The following AGPAT4 variants were observed in gnomAD, a reference collection of about 807,000 sequenced individuals.
The protein encoded by AGPAT4 is 1-acyl-sn-glycerol-3-phosphate acyltransferase delta.
A neutral mutation model predicts 48.0 loss-of-function variants in AGPAT4; 15 were observed. The ratio of observed to expected loss-of-function variants is 0.31; its 90% CI spans 0.21 to 0.48. The LOEUF is 0.48. AGPAT4 is among the 20% of genes least tolerant of loss of function. The pLI, the probability that AGPAT4 is intolerant of heterozygous loss-of-function variation, is 0.99. For synonymous variants in AGPAT4, 178 were observed against 198.7 expected (o/e 0.90, Z 0.88); for missense variants, 314 against 482.5 (o/e 0.65, Z 3.27).
rs974723841 is a variant in AGPAT4, at chr6:161,220,886, C to T, written c.178+11150G>A. On this transcript the variant is annotated intron_variant, in intron 2 of 8. Coordinates refer to ENST00000320285, the MANE Select transcript of AGPAT4 (RefSeq NM_020133.3). The surrounding 1 kb of genome is among the most constrained non-coding windows in gnomAD (Gnocchi z 6.0). Reference sequence around the variant, plus strand: ...GCAACTTCTGCCTCCCGGGTTCAAGCAATTCTCCTGCCTCAGTCTCCCGAG... The same window carrying T: ...GCAACTTCTGCCTCCCGGGTTCAAGTAATTCTCCTGCCTCAGTCTCCCGAG... Among the ~76,000 whole-genome samples the T allele has an allele frequency of 6.6e-6, 1 of 152,142 alleles. No individual in the cohort carries two copies. Among genetic ancestry groups the T allele is most frequent in the African/African-American group, 2.4e-5 (1 of 41,416 alleles).
At chr6:161,173,391 C>T (rs540955769) in intron 2 of AGPAT4, among the ~76,000 whole-genome samples, 4 of 152,262 alleles carry the variant, frequency 2.6e-5, no homozygotes, top group African/African-American at 9.6e-5. Flanking sequence ...TCTCTGATGG[C>T]CAGTGATGAT....
rs1050015006 is a variant in AGPAT4 at position 161,246,608 on chromosome 6, C to A, written c.-89-14306G>T. On this transcript the variant is annotated intron_variant, in intron 1 of 8. Coordinates refer to ENST00000320285, the MANE Select transcript of AGPAT4 (RefSeq NM_020133.3). The surrounding 1 kb of genome is among the most constrained non-coding windows in gnomAD (Gnocchi z 5.5). ...ATTTTTAGTCTAGATGGGGTTTCTC[C>A]ATGTTGGTCAGGCTGGTCTCGAACT... 1.3e-5 allele frequency among the ~76,000 whole-genome samples: 2 copies of A among 152,136 alleles called. No homozygotes were observed. Among genetic ancestry groups the A allele is most frequent in the African/African-American group, 4.8e-5 (2 of 41,434 alleles).
In AGPAT4 at chr6:161,197,584, T is replaced by G. The variant is rs111540593; in HGVS notation, c.179-31167A>C. Among the ~76,000 whole-genome samples, 2,228 of 152,270 alleles carry G rather than the reference T, an allele frequency of 0.015. 48 individuals are homozygous for G. The highest frequency in any genetic ancestry group is 0.051 in the African/African-American group (2,112 of 41,542). ...GTACGCATTACTCCTGGGGCTCATGTTTTCCTCTCCTGAACCACTCTGCCT... is the reference window on the plus strand; with the variant it reads ...GTACGCATTACTCCTGGGGCTCATGGTTTCCTCTCCTGAACCACTCTGCCT... On this transcript the variant is annotated intron_variant, in intron 2 of 8. Coordinates refer to ENST00000320285, the MANE Select transcript of AGPAT4 (RefSeq NM_020133.3). This position sits in a 1 kb window ranked among gnomAD's most constrained non-coding sequence, Gnocchi z 5.7.
rs1781871911 is a variant in AGPAT4, at chr6:161,222,954, C to G, written c.178+9082G>C. On this transcript the variant is annotated intron_variant, in intron 2 of 8. Coordinates refer to ENST00000320285, the MANE Select transcript of AGPAT4 (RefSeq NM_020133.3). This position sits in a 1 kb window ranked among gnomAD's most constrained non-coding sequence, Gnocchi z 5.9. Reference sequence around the variant, plus strand: ...GCATATGCTCCTGCCACCTACTGAACCACCTCTCCTCTTGCCAACATCTCA... The same window carrying G: ...GCATATGCTCCTGCCACCTACTGAAGCACCTCTCCTCTTGCCAACATCTCA... 6.6e-6 allele frequency among the ~76,000 whole-genome samples: 1 copy of G among 152,222 alleles called. No individual in the cohort carries two copies. The highest frequency in any genetic ancestry group is 6.5e-5 in the Admixed American group (1 of 15,282).
At chr6:161,191,205 A>G (rs1224542936) in intron 2 of AGPAT4, among the ~76,000 whole-genome samples, 1 of 152,214 alleles carries the variant, frequency 6.6e-6, no homozygotes, top group East Asian at 1.9e-4. Context: ...GAGAACACCA[A>G]AATGTAGAGG....
rs187396201 is a variant in AGPAT4, at chr6:161,195,613, A to G, written c.179-29196T>C. On this transcript the variant is annotated intron_variant, in intron 2 of 8. Transcript: ENST00000320285. This position sits in a 1 kb window ranked among gnomAD's most constrained non-coding sequence, Gnocchi z 5.0. ...AAATGTTGCAGAACTTCATCATGTGATCAAAGCTGCAGAAGGAGAAAGAGA... is the reference window on the plus strand; with the variant it reads ...AAATGTTGCAGAACTTCATCATGTGGTCAAAGCTGCAGAAGGAGAAAGAGA... Among the ~76,000 whole-genome samples, 4 of 152,344 alleles carry G rather than the reference A, an allele frequency of 2.6e-5. No individual in the cohort carries two copies. The highest frequency in any genetic ancestry group is 3.4e-3 in the Middle Eastern group (1 of 294).
In AGPAT4 at chr6:161,134,871, C is replaced by T. The variant is rs3822853; in HGVS notation, c.*1669G>A. 0.098 allele frequency: 14,885 copies of T among 152,310 alleles called. 1,124 individuals are homozygous for T. The highest frequency in any genetic ancestry group is 0.25 in the Admixed American group (3,825 of 15,290). The allele number at this position is 152,310 out of a possible 1,614,324, so 9.4% of individuals were successfully genotyped here. On this transcript the variant is annotated 3_prime_UTR_variant, in exon 9 of 9. Transcript: ENST00000320285. ...GGGTGGGCAGATGTGCTGGGCGCTC[C>T]CATCAAGCCTGCCTGCAGGGCCGCC...
rs1284001532 is a variant in AGPAT4 at position 161,218,803 on chromosome 6, A to G, written c.178+13233T>C. The stretch of plus-strand genomic sequence containing the variant: ...AAAACACTGTTATCTACCAAACAGT[A>G]TGATAAAACACTGTATCTACCAAAC... On this transcript the variant is annotated intron_variant, in intron 2 of 8. Transcript: ENST00000320285. The surrounding 1 kb of genome is among the most constrained non-coding windows in gnomAD (Gnocchi z 4.7). 6.6e-6 allele frequency among the ~76,000 whole-genome samples: 1 copy of G among 151,686 alleles called. No individual in the cohort carries two copies. Among genetic ancestry groups the G allele is most frequent in the East Asian group, 1.9e-4 (1 of 5,196 alleles).
At chr6:161,162,830 C>A (rs926201978) in intron 3 of AGPAT4, among the ~76,000 whole-genome samples, 3 of 152,252 alleles carry the variant, frequency 2.0e-5, no homozygotes, top group Non-Finnish European at 4.4e-5. Flanking sequence ...TCTTATGCAA[C>A]CAGCCGGGAC....
chr6:161,149,073 G>C lies in AGPAT4; in HGVS notation c.767+114C>G, dbSNP rs912658134. 2 of 1,367,680 alleles carry C rather than the reference G, an allele frequency of 1.5e-6. No individual in the cohort carries two copies. The highest frequency in any genetic ancestry group is 5.6e-5 in the Admixed American group (2 of 35,494). 84.7% of individuals were successfully genotyped at this position (1,367,680 alleles called of 1,614,324 possible). On this transcript the variant is annotated intron_variant, in intron 6 of 8. Coordinates refer to ENST00000320285, the MANE Select transcript of AGPAT4 (RefSeq NM_020133.3). The surrounding 1 kb of genome is among the most constrained non-coding windows in gnomAD (Gnocchi z 6.5). Reference sequence around the variant, plus strand: ...TGTCAAATTCAATGCAAAACAGACTGCAAAGAAGTCAGTGTGACCCAGGGA... The same window carrying C: ...TGTCAAATTCAATGCAAAACAGACTCCAAAGAAGTCAGTGTGACCCAGGGA...
rs114398344 is a variant in AGPAT4 at position 161,218,201 on chromosome 6, A to G, written c.178+13835T>C. Among the ~76,000 whole-genome samples the G allele has an allele frequency of 6.4e-3, 971 of 152,294 alleles. 10 individuals are homozygous for G. Among genetic ancestry groups the G allele is most frequent in the African/African-American group, 0.022 (921 of 41,558 alleles). ...CGGTGCCAATGGTGCTGTGCTGGAAAATGGTTAACAACCAGCTCTTGTGTG... is the reference window on the plus strand; with the variant it reads ...CGGTGCCAATGGTGCTGTGCTGGAAGATGGTTAACAACCAGCTCTTGTGTG... On this transcript the variant is annotated intron_variant, in intron 2 of 8. Transcript: ENST00000320285. This position sits in a 1 kb window ranked among gnomAD's most constrained non-coding sequence, Gnocchi z 4.7.
Position 161,143,032 on chromosome 6 carries a change from C to T in AGPAT4, c.844-3412G>A, listed in dbSNP as rs1325979370. Among the ~76,000 whole-genome samples the T allele has an allele frequency of 2.6e-5, 4 of 152,190 alleles. No homozygotes were observed. Among genetic ancestry groups the T allele is most frequent in the African/African-American group, 7.2e-5 (3 of 41,448 alleles). On this transcript the variant is annotated intron_variant, in intron 7 of 8. Transcript: ENST00000320285. The surrounding 1 kb of genome is among the most constrained non-coding windows in gnomAD (Gnocchi z 4.7). ...TCTGCACCCCACCCAGAGCTGCTCC[C>T]GACCTTGGCCTCCACAGGACGGCTC...
At chr6:161,227,967 A>C (rs147315485) in intron 2 of AGPAT4, among the ~76,000 whole-genome samples, 14 of 152,280 alleles carry the variant, frequency 9.2e-5, no homozygotes, top group African/African-American at 3.4e-4. Context: ...GGTCAACTCT[A>C]TTCCATCCCC....
chr6:161,136,073 A>G lies in AGPAT4; in HGVS notation c.*467T>C, dbSNP rs1282197021. 2 of 175,022 alleles carry G rather than the reference A, an allele frequency of 1.1e-5. No individual in the cohort carries two copies. The highest frequency in any genetic ancestry group is 2.4e-5 in the African/African-American group (1 of 41,754). 10.8% of individuals were successfully genotyped at this position (175,022 alleles called of 1,614,324 possible). On this transcript the variant is annotated 3_prime_UTR_variant, in exon 9 of 9. Transcript: ENST00000320285. The stretch of plus-strand genomic sequence containing the variant: ...CGGTCCATGTCAACATACACCACAG[A>G]TGACCCAGAAAAGCACTTTAATTTT...
rs2114953426 is a variant in AGPAT4 at position 161,141,639 on chromosome 6, C to A, written c.844-2019G>T. On this transcript the variant is annotated intron_variant, in intron 7 of 8. Transcript: ENST00000320285. The surrounding 1 kb of genome is among the most constrained non-coding windows in gnomAD (Gnocchi z 6.7). ...TGTCACTTACATGCCATAGAACTCA[C>A]CCATTTTAAAAAATGGGCAAATGTG... 6.6e-6 allele frequency among the ~76,000 whole-genome samples: 1 copy of A among 152,016 alleles called. No individual in the cohort carries two copies. The highest frequency in any genetic ancestry group is 6.5e-5 in the Admixed American group (1 of 15,282).
chr6:161,144,097 G>A lies in AGPAT4; in HGVS notation c.843+2427C>T. The A allele has an allele frequency of 1.9e-6, 1 of 531,486 alleles. No individual in the cohort carries two copies. The highest frequency in any genetic ancestry group is 3.9e-6 in the Non-Finnish European group (1 of 258,720). The allele number at this position is 531,486 out of a possible 1,614,324, so 32.9% of individuals were successfully genotyped here. ...TTAGATCTAGGCTCCTAGCAAAATA[G>A]GCTGATACAGAAAGGAATTGTCCCT... On this transcript the variant is annotated intron_variant, in intron 7 of 8. Coordinates refer to ENST00000320285, the MANE Select transcript of AGPAT4 (RefSeq NM_020133.3). The surrounding 1 kb of genome is among the most constrained non-coding windows in gnomAD (Gnocchi z 6.6).
At chr6:161,260,479 G>T (rs987472078) in intron 1 of AGPAT4, among the ~76,000 whole-genome samples, 1 of 151,314 alleles carries the variant, frequency 6.6e-6, no homozygotes, top group Non-Finnish European at 1.5e-5. Context: ...GGCCAACATG[G>T]TGAAACCCCA....
rs945125378 is a variant in AGPAT4 at position 161,264,759 on chromosome 6, C to T, written c.-90+9179G>A. 1.3e-5 allele frequency among the ~76,000 whole-genome samples: 2 copies of T among 152,072 alleles called. No homozygotes were observed. The highest frequency in any genetic ancestry group is 2.9e-5 in the Non-Finnish European group (2 of 68,010). On this transcript the variant is annotated intron_variant, in intron 1 of 8. Transcript: ENST00000320285. This position sits in a 1 kb window ranked among gnomAD's most constrained non-coding sequence, Gnocchi z 6.8. ...TGGGTGGGGAGTTGGAATAACTGACCCCACTTCTGTTGACCTTTGAGAGCC... is the reference window on the plus strand; with the variant it reads ...TGGGTGGGGAGTTGGAATAACTGACTCCACTTCTGTTGACCTTTGAGAGCC...
At position 161,272,705 on chromosome 6, in the gene AGPAT4, A is replaced by AACACACACACAC. The variant is rs3043142; in HGVS notation, c.-90+1221_-90+1232dup. Among the ~76,000 whole-genome samples the AACACACACACAC allele has an allele frequency of 4.3e-3, 633 of 147,168 alleles. 8 individuals are homozygous for AACACACACACAC. The East Asian group carries it at 0.046, about 11-fold the overall frequency. ...TCCCTGCCCGCCTCCCATTTCCCTA[A>AACACACACACAC]ACACACACACACACACACACACACA... On this transcript the variant is annotated intron_variant, in intron 1 of 8. Coordinates refer to ENST00000320285, the MANE Select transcript of AGPAT4 (RefSeq NM_020133.3). The surrounding 1 kb of genome is among the most constrained non-coding windows in gnomAD (Gnocchi z 4.2).
Sources: allele counts gnomAD v4.1 joint callset (sites outside exome capture counted in the v4.1 genomes callset), GRCh38; gene constraint gnomAD v4.1.1; non-coding constraint Gnocchi (gnomAD v3.1); transcripts MANE v1.5; gene names NCBI Gene and HGNC (gene_info 2026-07-23, HGNC 2026-07-21).